RALYL: variants seen among roughly 807,000 people sequenced by gnomAD.
RALYL encodes the protein RALY RNA binding protein like, also known as RNA-binding Raly-like protein.
RALYL carries 29 observed loss-of-function variants against 35.1 expected under a neutral mutation model. The observed-to-expected ratio is 0.83, with a 90% confidence interval of 0.61 to 1.13. The LOEUF (loss-of-function observed/expected upper bound fraction) is 1.13. Among genes scored for constraint, RALYL ranks in the 50% most tolerant of loss-of-function variants. RALYL has a pLI of 0.00. For synonymous variants in RALYL, 120 were observed against 127.6 expected, an observed-to-expected ratio of 0.94 and a Z score of 0.40; for missense variants, 359 against 360.4, an observed-to-expected ratio of 1.00 and a Z score of 0.03.
At chr8:84,685,724 G>T (rs1836624342) in intron 2 of RALYL, among the ~76,000 whole-genome samples, 1 of 152,036 alleles carries the variant, frequency 6.6e-6, no homozygotes, top group African/African-American at 2.4e-5. Context: ...CAAAAATTTT[G>T]TCACTGCCAT....
chr8:84,738,077 A>C (rs896980423), intron 2 of RALYL, among the ~76,000 whole-genome samples: 7 of 152,058 alleles, frequency 4.6e-5, no homozygotes, highest in African/African-American at 1.7e-4. Context: ...ACCAAATAAA[A>C]GATTCAGATA....
chr8:84,788,089 T>C (rs557507338), intron 3 of RALYL, among the ~76,000 whole-genome samples: 1 of 152,356 alleles, frequency 6.6e-6, no homozygotes, highest in Admixed American at 6.5e-5. Flanking sequence ...ATGCAGTCTT[T>C]GCCCATGTCT....
intron 2 of RALYL, among the ~76,000 whole-genome samples, chr8:84,768,923 T>TG (rs982186338): frequency 6.6e-6 from 1 of 152,226 alleles, no homozygotes; most frequent in Non-Finnish European, 1.5e-5. Context: ...TTTCATTGTA[T>TG]GAATATGCTG....
intron 1 of RALYL, among the ~76,000 whole-genome samples, chr8:84,191,257 T>C (rs1316073936): frequency 1.3e-5 from 2 of 151,942 alleles, no homozygotes; most frequent in Non-Finnish European, 2.9e-5. Flanking sequence ...TAGGAAGTTT[T>C]TCCTGAAACT....
chr8:84,371,163 A>G (rs1405536430), intron 1 of RALYL, among the ~76,000 whole-genome samples: 1 of 151,832 alleles, frequency 6.6e-6, no homozygotes, highest in African/African-American at 2.4e-5. Context: ...ATCCACATTC[A>G]CTCAGTATTT....
At chr8:84,514,380 A>C (rs1206051367) in intron 1 of RALYL, among the ~76,000 whole-genome samples, 1 of 152,136 alleles carries the variant, frequency 6.6e-6, no homozygotes, top group Non-Finnish European at 1.5e-5. Flanking sequence ...TGGTATAACA[A>C]AGTATTTGAG....
chr8:84,644,719 T>A (rs1370780651), intron 2 of RALYL, among the ~76,000 whole-genome samples: 2 of 151,912 alleles, frequency 1.3e-5, no homozygotes, highest in Non-Finnish European at 1.5e-5. Flanking sequence ...AATCATTGTG[T>A]TCCAAGTTTG....
chr8:84,415,204 CGT>C (rs1491447454), intron 1 of RALYL, among the ~76,000 whole-genome samples: 1 of 129,300 alleles, frequency 7.7e-6, no homozygotes, highest in African/African-American at 3.2e-5. Context: ...TGCAGACACT[CGT>C]TTTTTTTTTT....
At chr8:84,575,652 T>A (rs1470216179) in intron 2 of RALYL, among the ~76,000 whole-genome samples, 1 of 152,164 alleles carries the variant, frequency 6.6e-6, no homozygotes. Flanking sequence ...GACATGGACA[T>A]CCTCTGCTTT....
chr8:84,390,860 T>C (rs1860518927), intron 1 of RALYL, among the ~76,000 whole-genome samples: 2 of 151,998 alleles, frequency 1.3e-5, no homozygotes, highest in African/African-American at 4.8e-5. Context: ...TGTTTTCTGC[T>C]GTTATAGACT....
At chr8:84,722,072 G>C (rs1353291631) in intron 2 of RALYL, among the ~76,000 whole-genome samples, 1 of 151,932 alleles carries the variant, frequency 6.6e-6, no homozygotes, top group Non-Finnish European at 1.5e-5. Context: ...AAATTAACTT[G>C]AATAGTTATA....
chr8:84,845,322 C>T (rs1834403826), intron 4 of RALYL, among the ~76,000 whole-genome samples: 1 of 152,062 alleles, frequency 6.6e-6, no homozygotes, highest in African/African-American at 2.4e-5. Flanking sequence ...GCAACCATTC[C>T]CTTTTCTTTG....
At chr8:84,769,951 A>G (rs895970862) in intron 2 of RALYL, among the ~76,000 whole-genome samples, 1 of 152,064 alleles carries the variant, frequency 6.6e-6, no homozygotes, top group Non-Finnish European at 1.5e-5. Flanking sequence ...TATTAACTTT[A>G]ATGTCTTCTG....
chr8:84,396,928 G>A (rs1016873560), intron 1 of RALYL, among the ~76,000 whole-genome samples: 2 of 151,166 alleles, frequency 1.3e-5, no homozygotes, highest in African/African-American at 2.4e-5. Context: ...TATCCCCCCC[G>A]CCCCATAAAT....
intron 2 of RALYL, among the ~76,000 whole-genome samples, chr8:84,732,291 A>G (rs1337048596): frequency 6.6e-6 from 1 of 152,122 alleles, no homozygotes; most frequent in Non-Finnish European, 1.5e-5. Context: ...TGAATGAACC[A>G]TGAATGATTA....
intron 1 of RALYL, among the ~76,000 whole-genome samples, chr8:84,507,324 C>T (rs1014878478): frequency 1.3e-4 from 19 of 151,912 alleles, no homozygotes; most frequent in African/African-American, 4.6e-4. Context: ...CATCATTGGT[C>T]CATGCATGAC....
Position 84,382,631 on chromosome 8 carries a change from C to T in RALYL, c.-23-146668C>T, listed in dbSNP as rs189211236. Among the ~76,000 whole-genome samples the T allele has an allele frequency of 3.2e-3, 486 of 151,662 alleles. 1 individual carries two copies. Among genetic ancestry groups the T allele is most frequent in the Non-Finnish European group, 5.9e-3 (397 of 67,728 alleles). ...TAAAAATTAAATGATGTTAGCCCTA[C>T]AGTGTTTGGTGAATATAAAAATATA... On this transcript the variant is annotated intron_variant, in intron 1 of 8. Transcript: ENST00000521268.
chr8:84,352,114 A>G lies in RALYL; in HGVS notation c.-24+167690A>G, dbSNP rs1851010107. The stretch of plus-strand genomic sequence containing the variant: ...CTGCCCAATTAAGAAATTTTTATCC[A>G]CAATATATTTTTAATTTAATTCTTA... On this transcript the variant is annotated intron_variant, in intron 1 of 8. Transcript: ENST00000521268. Among the ~76,000 whole-genome samples the G allele has an allele frequency of 2.0e-5, 3 of 150,542 alleles. No individual in the cohort carries two copies. In the South Asian group the frequency reaches 6.3e-4, roughly 31 times the overall value.
chr8:84,210,361 G>T (rs1819181473), intron 1 of RALYL, among the ~76,000 whole-genome samples: 1 of 149,730 alleles, frequency 6.7e-6, no homozygotes, highest in Non-Finnish European at 1.5e-5. Context: ...ATACATTATA[G>T]ATTTCTCAAA....
Sources: gnomAD v4.1 joint callset for allele counts (sites outside exome capture counted in the v4.1 genomes callset) on GRCh38, gnomAD v4.1.1 for gene constraint, MANE v1.5 for transcripts, NCBI Gene and HGNC (gene_info 2026-07-23, HGNC 2026-07-21) for gene names.